The following PTPRT variants were observed in gnomAD, a reference collection of about 807,000 sequenced individuals.
PTPRT encodes receptor-type tyrosine-protein phosphatase T.
A neutral mutation model predicts 176.8 loss-of-function variants in PTPRT; 56 were observed. The observed-to-expected ratio is 0.32, with a 90% CI of 0.26 to 0.40. The LOEUF (loss-of-function observed/expected upper bound fraction) is 0.40, where lower values mean the gene tolerates loss of function less well. PTPRT is among the 10% of genes least tolerant of loss of function. The probability of loss-of-function intolerance (pLI) is 1.00; values close to 1 mark genes in which losing one functional copy is unlikely to be tolerated. For synonymous variants in PTPRT, 783 were observed against 739.0 expected, an observed-to-expected ratio of 1.06 and a Z score of -0.96; for missense variants, 1,540 against 1,908.2, an observed-to-expected ratio of 0.81 and a Z score of 3.60.
chr20:42,566,324 C>A (rs1466360351), intron 7 of PTPRT, among the ~76,000 whole-genome samples: 1 of 152,064 alleles, frequency 6.6e-6, no homozygotes, highest in Non-Finnish European at 1.5e-5. Context: ...TTCATAGACA[C>A]GGGTTCTCCC....
the PTPRT span, among the ~76,000 whole-genome samples, chr20:42,039,174 T>C: frequency 6.6e-6 from 1 of 152,202 alleles, no homozygotes; most frequent in African/African-American, 2.4e-5. Context: ...TTTCTTCTTT[T>C]GTCCCCATTT....
chr20:42,171,607 C>A (rs572349246), intron 16 of PTPRT, among the ~76,000 whole-genome samples: 1 of 151,832 alleles, frequency 6.6e-6, no homozygotes, highest in Non-Finnish European at 1.5e-5. Context: ...TGCATGTGTG[C>A]GTGTGTGTGT....
At chr20:43,125,144 T>A (rs1051191419) in intron 1 of PTPRT, among the ~76,000 whole-genome samples, 2 of 148,840 alleles carry the variant, frequency 1.3e-5, no homozygotes, top group Non-Finnish European at 3.0e-5. Flanking sequence ...TACAGGCATG[T>A]GCCGCCACAC....
At chr20:42,750,890 T>C (rs538902881) in intron 6 of PTPRT, among the ~76,000 whole-genome samples, 128 of 152,284 alleles carry the variant, frequency 8.4e-4, no homozygotes, top group African/African-American at 2.3e-3. Context: ...AGGGGCCGAA[T>C]TGTCAATTGA....
rs148766590 is a variant in PTPRT at position 42,938,945 on chromosome 20, C to A, written c.89-53013G>T. On this transcript the variant is annotated intron_variant, in intron 1 of 30. Transcript: ENST00000373187. ...ATTTATAATAACTTCACAGGTCTAA[C>A]CTGCACTTACTGGCGGCAGTTTAAA... Among the ~76,000 whole-genome samples, 777 of 152,328 alleles carry A rather than the reference C, an allele frequency of 5.1e-3. 6 individuals are homozygous for A. Among genetic ancestry groups the A allele is most frequent in the African/African-American group, 0.018 (744 of 41,568 alleles).
intron 7 of PTPRT, among the ~76,000 whole-genome samples, chr20:42,647,688 C>T (rs992972970): frequency 1.3e-5 from 2 of 152,132 alleles, no homozygotes; most frequent in African/African-American, 2.4e-5. Flanking sequence ...TGAAAGGAGT[C>T]ATGGGAGACA....
At chr20:42,644,305 A>G (rs1200816140) in intron 7 of PTPRT, among the ~76,000 whole-genome samples, 1 of 152,006 alleles carries the variant, frequency 6.6e-6, no homozygotes, top group Non-Finnish European at 1.5e-5. Flanking sequence ...TTCCCAAAAC[A>G]CATGTCACTC....
chr20:43,189,534 C>T lies in PTPRT; in HGVS notation c.88+112G>A. 1 of 639,264 alleles carries T rather than the reference C, an allele frequency of 1.6e-6. No individual in the cohort carries two copies. Among genetic ancestry groups the T allele is most frequent in the Non-Finnish European group, 2.1e-6 (1 of 468,718 alleles). 39.6% of individuals were successfully genotyped at this position (639,264 alleles called of 1,614,324 possible). ...AGACCCGGGTTCCGGCCATGGGGAC[C>T]CGCGCCCCCGCGAGCCCACACAACT... On this transcript the variant is annotated intron_variant, in intron 1 of 30. Transcript: ENST00000373187. The surrounding 1 kb of genome is among the most constrained non-coding windows in gnomAD (Gnocchi z 5.0).
chr20:42,499,134 C>T (rs551655379), intron 7 of PTPRT, among the ~76,000 whole-genome samples: 29 of 152,176 alleles, frequency 1.9e-4, no homozygotes, highest in African/African-American at 7.0e-4. Flanking sequence ...ACAGCAATAG[C>T]AACAGGAAGT....
chr20:42,305,024 T>C (rs921659774), intron 12 of PTPRT, among the ~76,000 whole-genome samples: 11 of 152,302 alleles, frequency 7.2e-5, no homozygotes, highest in Non-Finnish European at 1.3e-4. Context: ...TGATTACTCT[T>C]TATTCCACTA....
intron 1 of PTPRT, among the ~76,000 whole-genome samples, chr20:43,161,689 T>C (rs1187018383): frequency 6.6e-6 from 1 of 152,168 alleles, no homozygotes; most frequent in Admixed American, 6.5e-5. Context: ...AAGCTGGCTG[T>C]TCCTGATTTT....
intron 1 of PTPRT, among the ~76,000 whole-genome samples, chr20:43,022,453 A>G (rs1193186123): frequency 6.6e-6 from 1 of 152,206 alleles, no homozygotes; most frequent in African/African-American, 2.4e-5. Context: ...AACTAATAAC[A>G]TTAAGTATTA....
At chr20:42,376,784 A>T (rs1357147187) in intron 9 of PTPRT, among the ~76,000 whole-genome samples, 1 of 152,178 alleles carries the variant, frequency 6.6e-6, no homozygotes, top group Non-Finnish European at 1.5e-5. Context: ...GGGGAGTACG[A>T]AAAAATGGTG....
chr20:43,028,342 T>A (rs1986000794), intron 1 of PTPRT, among the ~76,000 whole-genome samples: 1 of 152,250 alleles, frequency 6.6e-6, no homozygotes, highest in East Asian at 1.9e-4. Flanking sequence ...CCTTTGAACT[T>A]GATGCATAGC....
At chr20:42,233,587 G>A (rs1238920618) in intron 15 of PTPRT, among the ~76,000 whole-genome samples, 2 of 152,120 alleles carry the variant, frequency 1.3e-5, no homozygotes, top group African/African-American at 2.4e-5. Context: ...TTACCTGTTC[G>A]ATCCCTTTAA....
chr20:42,415,824 T>C (rs1220454720), intron 9 of PTPRT, among the ~76,000 whole-genome samples: 1 of 152,184 alleles, frequency 6.6e-6, no homozygotes, highest in Non-Finnish European at 1.5e-5. Flanking sequence ...TCATTATTTA[T>C]AGGGGTGAAA....
chr20:42,199,953 G>A (rs945428884), intron 15 of PTPRT, among the ~76,000 whole-genome samples: 1 of 152,028 alleles, frequency 6.6e-6, no homozygotes, highest in Non-Finnish European at 1.5e-5. Flanking sequence ...AAGACCCTCA[G>A]AACCAGACGG....
rs145707461 is a variant in PTPRT, at chr20:42,302,245, AT to A, written c.2139+13477del. ...TGATATTGAGATTATAGGCAAGACA[AT>A]TTTTTTTTCTTTTCCCTGTTTTCAA... On this transcript the variant is annotated intron_variant, in intron 12 of 30. Coordinates refer to ENST00000373187, the MANE Select transcript of PTPRT (RefSeq NM_007050.6). Among the ~76,000 whole-genome samples, 580 of 151,640 alleles carry A rather than the reference AT, an allele frequency of 3.8e-3. 7 individuals are homozygous for A. Among genetic ancestry groups the A allele is most frequent in the African/African-American group, 0.012 (509 of 41,362 alleles).
intron 7 of PTPRT, among the ~76,000 whole-genome samples, chr20:42,648,820 G>GTTTTTTTTTTTGTTTTTTTTTTTTTTT (rs746084382): frequency 6.5e-4 from 73 of 111,832 alleles, no homozygotes; most frequent in African/African-American, 2.6e-3. Context: ...TGGTGTCGTT[G>GTTTTTTTTTTTGTTTTTTTTTTTTTTT]TTTTTTTTTT....
Sources: gnomAD v4.1 joint callset for allele counts (sites outside exome capture counted in the v4.1 genomes callset) on GRCh38, gnomAD v4.1.1 for gene constraint, Gnocchi (gnomAD v3.1) non-coding constraint, MANE v1.5 for transcripts, NCBI Gene and HGNC (gene_info 2026-07-23, HGNC 2026-07-21) for gene names.